ULK4: variants seen among roughly 807,000 people sequenced by gnomAD.
ULK4 encodes unc-51 like kinase 4.
A neutral mutation model predicts 160.6 loss-of-function variants in ULK4; 133 were observed. The ratio of observed to expected loss-of-function variants is 0.83; its 90% CI spans 0.72 to 0.96. The LOEUF (loss-of-function observed/expected upper bound fraction) is 0.96. Ranked by LOEUF, ULK4 falls within the 40% of genes least tolerant of loss-of-function variation. The pLI is 0.00. For synonymous variants in ULK4, 534 were observed against 539.8 expected, an observed-to-expected ratio of 0.99 and a Z score of 0.15; for missense variants, 1,580 against 1,499.5, an observed-to-expected ratio of 1.05 and a Z score of -0.89.
rs767897944 is a variant in ULK4 at position 41,615,688 on chromosome 3, A to C, written c.3101T>G (p.Leu1034Arg). 6.2e-6 allele frequency: 10 copies of C among 1,613,246 alleles called. No homozygotes were observed. The African/African-American group carries it at 1.3e-4, about 22-fold the overall frequency. ...RLVEESKLIP[L>R]IFEVTLEHQE... Reference sequence around the variant, plus strand: ...TCTTACCAGAGTTACTTCAAAAATGAGTGGGATCAGTTTGCTTTCTTCCAC... The same window carrying C: ...TCTTACCAGAGTTACTTCAAAAATGCGTGGGATCAGTTTGCTTTCTTCCAC... Residue 1034 changes from leucine to arginine, a missense_variant, in exon 31 of 37, where the codon CTC (leucine) becomes CGC (arginine). Coordinates refer to ENST00000301831, the MANE Select transcript of ULK4 (RefSeq NM_017886.4).
At chr3:41,517,615 G>T (rs1670652199) in intron 32 of ULK4, among the ~76,000 whole-genome samples, 1 of 152,244 alleles carries the variant, frequency 6.6e-6, no homozygotes, top group South Asian at 2.1e-4. Flanking sequence ...AGCAGGAACA[G>T]TCTCTAGAAA....
At chr3:41,883,465 G>T (rs1407389258) in intron 17 of ULK4, among the ~76,000 whole-genome samples, 1 of 152,130 alleles carries the variant, frequency 6.6e-6, no homozygotes, top group Non-Finnish European at 1.5e-5. Flanking sequence ...TAACGGAATA[G>T]GTAGAAAGTA....
intron 29 of ULK4, among the ~76,000 whole-genome samples, chr3:41,674,159 T>C (rs1182263334): frequency 6.6e-6 from 1 of 152,182 alleles, no homozygotes; most frequent in African/African-American, 2.4e-5. Flanking sequence ...ACCTCCCCAA[T>C]AATAAACAAT....
intron 22 of ULK4, among the ~76,000 whole-genome samples, chr3:41,727,848 TTGG>T (rs1365745052): frequency 6.6e-6 from 1 of 152,148 alleles, no homozygotes; most frequent in Non-Finnish European, 1.5e-5. Context: ...CATGGTGGCT[TTGG>T]TTAGTGTGGT....
intron 32 of ULK4, among the ~76,000 whole-genome samples, chr3:41,549,735 C>T (rs1461606616): frequency 6.6e-6 from 1 of 151,714 alleles, no homozygotes; most frequent in Admixed American, 6.6e-5. Flanking sequence ...TTCTCTAAGG[C>T]ACATTATAGT....
chr3:41,367,236 T>G (rs1174513443), intron 35 of ULK4, among the ~76,000 whole-genome samples: 2 of 152,216 alleles, frequency 1.3e-5, no homozygotes, highest in African/African-American at 4.8e-5. Context: ...TGATGAGATA[T>G]CTCAGCAATT....
chr3:41,760,540 C>A (rs762822886), intron 21 of ULK4, among the ~76,000 whole-genome samples: 2 of 152,046 alleles, frequency 1.3e-5, no homozygotes, highest in Non-Finnish European at 2.9e-5. Flanking sequence ...TGTAATGCTC[C>A]CAAATCCAAA....
intron 32 of ULK4, among the ~76,000 whole-genome samples, chr3:41,499,610 A>G (rs1457971308): frequency 6.6e-6 from 1 of 152,180 alleles, no homozygotes; most frequent in East Asian, 1.9e-4. Flanking sequence ...TTTTTTGTCC[A>G]ATTTTGACTT....
chr3:41,770,227 A>C (rs1196005816), intron 21 of ULK4, among the ~76,000 whole-genome samples: 5 of 152,216 alleles, frequency 3.3e-5, no homozygotes, highest in Non-Finnish European at 7.3e-5. Flanking sequence ...TACATGCATT[A>C]AATTTCATAG....
chr3:41,356,145 C>T (rs1334517878), intron 35 of ULK4, among the ~76,000 whole-genome samples: 1 of 152,168 alleles, frequency 6.6e-6, no homozygotes, highest in African/African-American at 2.4e-5. Context: ...CAGAGAAGCC[C>T]TGTCCCCTGT....
At chr3:41,672,257 A>C (rs1397597082) in intron 29 of ULK4, among the ~76,000 whole-genome samples, 1 of 152,202 alleles carries the variant, frequency 6.6e-6, no homozygotes, top group Non-Finnish European at 1.5e-5. Flanking sequence ...TCAAAGAAAC[A>C]CATGCACTCC....
At chr3:41,769,836 T>A (rs1352091797) in intron 21 of ULK4, among the ~76,000 whole-genome samples, 1 of 152,086 alleles carries the variant, frequency 6.6e-6, no homozygotes, top group Non-Finnish European at 1.5e-5. Flanking sequence ...CTCTTACAAA[T>A]CTCAAGGGGT....
intron 35 of ULK4, among the ~76,000 whole-genome samples, chr3:41,372,640 G>A (rs950088158): frequency 1.3e-5 from 2 of 152,110 alleles, no homozygotes; most frequent in African/African-American, 4.8e-5. Context: ...CCTGAAGGAA[G>A]CACTAAATAT....
At chr3:41,887,477 A>C (rs1197287678) in intron 16 of ULK4, among the ~76,000 whole-genome samples, 1 of 152,216 alleles carries the variant, frequency 6.6e-6, no homozygotes, top group Admixed American at 6.5e-5. Context: ...GTGAAAGGAG[A>C]AAAGTAAAAA....
chr3:41,653,088 A>G (rs956734179), intron 30 of ULK4, among the ~76,000 whole-genome samples: 5 of 120,404 alleles, frequency 4.2e-5, no homozygotes, highest in African/African-American at 2.7e-4. Context: ...GCTAATTCCT[A>G]GAGACAGCAA....
rs908143617 is a variant in ULK4, at chr3:41,909,909, T to G, written c.1085+1408A>C. On this transcript the variant is annotated intron_variant, in intron 11 of 36. Transcript: ENST00000301831. The stretch of plus-strand genomic sequence containing the variant: ...ATATTTACATACTACTAAATTTTTT[T>G]TTTTGAGACGGTGTTTCGCTCTTGT... Among the ~76,000 whole-genome samples the G allele has an allele frequency of 1.8e-4, 27 of 152,196 alleles. 1 individual carries two copies. The highest frequency in any genetic ancestry group is 2.9e-5 in the Non-Finnish European group (2 of 68,036).
At chr3:41,554,337 C>T (rs144667136) in intron 32 of ULK4, among the ~76,000 whole-genome samples, 2 of 152,086 alleles carry the variant, frequency 1.3e-5, no homozygotes, top group African/African-American at 4.8e-5. Flanking sequence ...ATAAAGATAA[C>T]GTAATATCTA....
intron 8 of ULK4, chr3:41,913,101 A>C: frequency 2.0e-6 from 1 of 508,486 alleles, no homozygotes; most frequent in South Asian, 3.0e-5. Context: ...AGAAGCATTA[A>C]ATGGTACAGA....
intron 32 of ULK4, among the ~76,000 whole-genome samples, chr3:41,477,298 GTTC>G (rs2084172895): frequency 6.6e-6 from 1 of 152,136 alleles, no homozygotes; most frequent in Non-Finnish European, 1.5e-5. Context: ...CAATCATTGT[GTTC>G]TTGTTATTAG....
Sources: gnomAD v4.1 joint callset for allele counts (sites outside exome capture counted in the v4.1 genomes callset) on GRCh38, gnomAD v4.1.1 for gene constraint, MANE v1.5 for transcripts, NCBI Gene and HGNC (gene_info 2026-07-23, HGNC 2026-07-21) for gene names.